The following ABCC11 variants were observed in gnomAD, a reference collection of about 807,000 sequenced individuals.
ABCC11 encodes ATP binding cassette subfamily C member 11, also known as ATP-binding cassette sub-family C member 11.
Under a neutral mutation model 149.3 loss-of-function variants are expected in ABCC11, and 135 were observed. The observed-to-expected ratio is 0.90, with a 90% confidence interval of 0.79 to 1.04. ABCC11 has a LOEUF of 1.04. Ranked by LOEUF, ABCC11 falls within the 50% of genes least tolerant of loss-of-function variation. The probability of loss-of-function intolerance (pLI) is 0.00; values close to 1 mark genes in which losing one functional copy is unlikely to be tolerated. For missense variants in ABCC11, 1,680 were observed against 1,722.1 expected (o/e 0.98, Z 0.43); for synonymous variants, 665 against 671.4 (o/e 0.99, Z 0.15).
intron 15 of ABCC11, 93 bp downstream of exon 15, chr16:48,200,183 G>A: frequency 1.5e-6 from 2 of 1,342,144 alleles, no homozygotes; most frequent in South Asian, 1.3e-5. Flanking sequence ...ACAGCTGCTG[G>A]GAGGCTGTTA....
At chr16:48,246,556 G>A (rs1971397575) in intron 1 of ABCC11, among the ~76,000 whole-genome samples, 1 of 152,118 alleles carries the variant, frequency 6.6e-6, no homozygotes, top group Admixed American at 6.5e-5. Context: ...GATTTTGGAA[G>A]GTTTTTATTA....
chr16:48,199,399 CA>C lies in ABCC11; in HGVS notation c.2082+876del, dbSNP rs957510690. 3.9e-4 allele frequency among the ~76,000 whole-genome samples: 55 copies of C among 140,570 alleles called. No homozygotes were observed. The South Asian group carries it at 4.2e-3, about 11-fold the overall frequency. 92.2% of individuals were successfully genotyped at this position (140,570 alleles called of 152,430 possible). A position where few individuals can be genotyped will look rare whatever the true frequency, so the allele number is the denominator to read the frequency against. On this transcript the variant is annotated intron_variant, in intron 15 of 29. Transcript: ENST00000356608. ...TGTTTAGGTCTTAAATATTTTATAC[CA>C]AAAAAAAATAGTAAAGCAAAAATAA...
Position 48,166,908 on chromosome 16 carries a change from A to C in ABCC11, c.*366T>G, listed in dbSNP as rs544110191. Reference sequence around the variant, plus strand: ...AAACGAAAGGAAGCAGAACAAAGAAAGTGAGTTTTCCTTAGTTTTATATTT... The same window carrying C: ...AAACGAAAGGAAGCAGAACAAAGAACGTGAGTTTTCCTTAGTTTTATATTT... On this transcript the variant is annotated 3_prime_UTR_variant, in exon 30 of 30. Transcript: ENST00000356608. 7.7e-4 allele frequency: 137 copies of C among 177,636 alleles called. No individual in the cohort carries two copies. Among genetic ancestry groups the C allele is most frequent in the Non-Finnish European group, 1.4e-3 (118 of 84,028 alleles). The allele number at this position is 177,636 out of a possible 1,614,324, so 11.0% of individuals were successfully genotyped here.
intron 17 of ABCC11, among the ~76,000 whole-genome samples, chr16:48,197,364 C>T (rs1407749000): frequency 6.6e-6 from 1 of 152,064 alleles, no homozygotes; most frequent in Non-Finnish European, 1.5e-5. Context: ...TACAATGTGA[C>T]AGGTACTGTG....
intron 8 of ABCC11, 78 bp from the exon 9 acceptor site, chr16:48,215,107 T>G: frequency 1.3e-6 from 2 of 1,582,092 alleles, no homozygotes. Flanking sequence ...CCCCAAAGCA[T>G]TAAAAAGAAA....
intron 12 of ABCC11, among the ~76,000 whole-genome samples, chr16:48,207,903 G>C (rs767305181): frequency 1.4e-4 from 21 of 151,990 alleles, no homozygotes; most frequent in Non-Finnish European, 2.9e-4. Flanking sequence ...CCATCCAGCA[G>C]GGCTCCTCTC....
intron 23 of ABCC11, among the ~76,000 whole-genome samples, chr16:48,181,906 C>T (rs1966460642): frequency 6.6e-6 from 1 of 152,234 alleles, no homozygotes; most frequent in Non-Finnish European, 1.5e-5. Flanking sequence ...AGCCAACGTG[C>T]CCCACCCCAA....
chr16:48,179,843 C>T (rs554462966), intron 23 of ABCC11, among the ~76,000 whole-genome samples: 5 of 152,320 alleles, frequency 3.3e-5, no homozygotes, highest in Middle Eastern at 3.4e-3. Context: ...CCAAACAGAA[C>T]AGCCTATGTA....
At chr16:48,190,817 G>A (rs1966876056) in intron 20 of ABCC11, among the ~76,000 whole-genome samples, 1 of 152,198 alleles carries the variant, frequency 6.6e-6, no homozygotes, top group Non-Finnish European at 1.5e-5. Context: ...AGCCAGTGGA[G>A]GCCAGCGTCA....
chr16:48,224,712 A>T (rs990198884), intron 4 of ABCC11, among the ~76,000 whole-genome samples: 1 of 152,098 alleles, frequency 6.6e-6, no homozygotes, highest in African/African-American at 2.4e-5. Flanking sequence ...TCTCTTTCAG[A>T]TAAAGTCCTT....
At chr16:48,179,644 C>G (rs1966303388) in intron 23 of ABCC11, among the ~76,000 whole-genome samples, 1 of 152,136 alleles carries the variant, frequency 6.6e-6, no homozygotes, top group South Asian at 2.1e-4. Context: ...GAAAGGCAGA[C>G]AAGGCAACAA....
chr16:48,173,143 C>T (rs1965824027), intron 26 of ABCC11, among the ~76,000 whole-genome samples: 1 of 152,136 alleles, frequency 6.6e-6, no homozygotes, highest in South Asian at 2.1e-4. Flanking sequence ...TTTTAAATGG[C>T]TTGTTCAAGG....
Position 48,177,077 on chromosome 16 carries a change from T to C in ABCC11, c.3385A>G (p.Thr1129Ala). Reference sequence around the variant, plus strand: ...TGTGGCCACCCCTGGGGACAACTTGTGCCTTCCATGTGTAAAGGAGCTTCC... The same window carrying C: ...TGTGGCCACCCCTGGGGACAACTTGCGCCTTCCATGTGTAAAGGAGCTTCC... ...VSEAPLHMEGTSCPQGWPQHG... is the reference protein window; with the variant it reads ...VSEAPLHMEGASCPQGWPQHG... The change falls in exon 25 of 30, where the codon ACA becomes GCA. Residue 1129 changes from threonine (T) to alanine (A), a missense_variant. Thr to Ala is a moderately conservative substitution (Grantham distance 58, BLOSUM62 0). Transcript: ENST00000356608. The C allele has an allele frequency of 6.2e-7, 1 of 1,614,078 alleles. No homozygotes were observed. Among genetic ancestry groups the C allele is most frequent in the Non-Finnish European group, 8.5e-7 (1 of 1,179,982 alleles).
chr16:48,227,269 T>A (rs895580559), intron 4 of ABCC11, among the ~76,000 whole-genome samples: 4 of 150,590 alleles, frequency 2.7e-5, no homozygotes, highest in South Asian at 2.1e-4. Context: ...AGGTCAGGAG[T>A]TCAAGACCAG....
chr16:48,187,495 G>T (rs1596700473), intron 20 of ABCC11, 68 bp from the exon 21 acceptor site: 1 of 1,361,980 alleles, frequency 7.3e-7, no homozygotes, highest in Non-Finnish European at 1.0e-6. Flanking sequence ...GGATGAAGAT[G>T]CCTGTTACCC....
At chr16:48,182,486 C>T (rs1343093731) in intron 23 of ABCC11, among the ~76,000 whole-genome samples, 1 of 152,152 alleles carries the variant, frequency 6.6e-6, no homozygotes, top group Non-Finnish European at 1.5e-5. Flanking sequence ...TGGTTAAGAA[C>T]ATGTAGTTTG....
chr16:48,227,805 C>T lies in ABCC11; in HGVS notation c.395+1G>A. The T allele has an allele frequency of 6.2e-7, 1 of 1,614,004 alleles. No individual in the cohort carries two copies. Among genetic ancestry groups the T allele is most frequent in the Non-Finnish European group, 8.5e-7 (1 of 1,179,986 alleles). Reference sequence around the variant, plus strand: ...CACTGGTTTGCCCAGCGCAGCTTCACCTTTGGACATTTTTGTCTGAGGCAT... The same window carrying T: ...CACTGGTTTGCCCAGCGCAGCTTCATCTTTGGACATTTTTGTCTGAGGCAT... On this transcript the variant is annotated splice_donor_variant, in intron 4 of 29. Coordinates refer to ENST00000356608, the MANE Select transcript of ABCC11 (RefSeq NM_001370497.1). LOFTEE classifies it high-confidence loss of function.
At chr16:48,223,456 A>G (rs1969878457) in intron 5 of ABCC11, 1 of 154,236 alleles carries the variant, frequency 6.5e-6, no homozygotes, top group Non-Finnish European at 1.4e-5. Flanking sequence ...ACAGGGCAGG[A>G]TGGAAAATGA....
In ABCC11 at chr16:48,198,037, C is replaced by T. The variant is rs374269222; in HGVS notation, c.2248G>A (p.Glu750Lys). The change falls in exon 17 of 30, where the codon GAG becomes AAG. Residue 750 changes from glutamate (E) to lysine (K), a missense_variant. Transcript: ENST00000356608. ...DMLQDTAKIA[E>K]KPKVESQALA... ...GCCTGACTTTCTACCTTTGGCTTCTCTGCTATCTTTGCTGTGTCCTGCAAC... is the reference window on the plus strand; with the variant it reads ...GCCTGACTTTCTACCTTTGGCTTCTTTGCTATCTTTGCTGTGTCCTGCAAC... 68 of 1,614,090 alleles carry T rather than the reference C, an allele frequency of 4.2e-5. No homozygotes were observed. The highest frequency in any genetic ancestry group is 5.8e-5 in the Non-Finnish European group (68 of 1,180,042).
Sources: gnomAD v4.1 joint callset for allele counts (sites outside exome capture counted in the v4.1 genomes callset) on GRCh38, gnomAD v4.1.1 for gene constraint, MANE v1.5 for transcripts, NCBI Gene and HGNC (gene_info 2026-07-23, HGNC 2026-07-21) for gene names.